The following MDGA2 variants were observed in gnomAD, a reference collection of about 807,000 sequenced individuals.
MDGA2 encodes MAM domain-containing glycosylphosphatidylinositol anchor protein 2.
In MDGA2, 40 loss-of-function variants were observed where a neutral mutation model predicts 117.8. That is an observed-to-expected ratio of 0.34 (90% CI 0.26 to 0.44). MDGA2 has a LOEUF of 0.44. Ranked by LOEUF, MDGA2 falls within the 20% of genes least tolerant of loss-of-function variation. MDGA2 has a pLI of 1.00. For synonymous variants in MDGA2, 452 were observed against 439.0 expected (o/e 1.03, Z -0.37); for missense variants, 1,123 against 1,250.6 (o/e 0.90, Z 1.54).
At chr14:46,974,425 T>A (rs1030544399) in intron 8 of MDGA2, among the ~76,000 whole-genome samples, 4 of 151,890 alleles carry the variant, frequency 2.6e-5, no homozygotes, top group African/African-American at 7.3e-5. Context: ...CCACAACAAA[T>A]CTTGAAAAAC....
chr14:46,896,538 GT>G (rs1883084820), intron 10 of MDGA2, among the ~76,000 whole-genome samples: 1 of 151,886 alleles, frequency 6.6e-6, no homozygotes, highest in African/African-American at 2.4e-5. Context: ...TTATATTACT[GT>G]TATATATTTG....
intron 1 of MDGA2, among the ~76,000 whole-genome samples, chr14:47,537,291 C>T (rs1373949885): frequency 8.1e-6 from 1 of 123,672 alleles, no homozygotes; most frequent in Non-Finnish European, 1.6e-5. Flanking sequence ...GAACATCACA[C>T]ACCAGGGCCT....
intron 1 of MDGA2, among the ~76,000 whole-genome samples, chr14:47,520,798 G>C (rs949419084): frequency 2.6e-5 from 4 of 152,132 alleles, no homozygotes; most frequent in African/African-American, 7.2e-5. Context: ...CAATCTATTA[G>C]ATTCATTACA....
rs560659044 is a variant in MDGA2 at position 47,387,998 on chromosome 14, C to T, written c.281-86448G>A. Among the ~76,000 whole-genome samples, 100 of 152,274 alleles carry T rather than the reference C, an allele frequency of 6.6e-4. 1 individual carries two copies. The highest frequency in any genetic ancestry group is 1.4e-3 in the Non-Finnish European group (93 of 68,022). On this transcript the variant is annotated intron_variant, in intron 1 of 16. Transcript: ENST00000399232. ...TTCACTACATTTATTTTCATTGGTT[C>T]CTCTGATCCTAATGTATGGTTACTC...
intron 8 of MDGA2, among the ~76,000 whole-genome samples, chr14:47,027,927 T>C (rs1888533258): frequency 6.6e-6 from 1 of 152,054 alleles, no homozygotes; most frequent in African/African-American, 2.4e-5. Context: ...ATATGTTGAC[T>C]GGAAATAATA....
At chr14:47,495,788 G>T (rs1894270183) in intron 1 of MDGA2, among the ~76,000 whole-genome samples, 1 of 152,184 alleles carries the variant, frequency 6.6e-6, no homozygotes, top group South Asian at 2.1e-4. Context: ...AATTATCATT[G>T]CTTCACACAG....
At chr14:47,668,439 T>C (rs1898015432) in intron 1 of MDGA2, among the ~76,000 whole-genome samples, 2 of 152,188 alleles carry the variant, frequency 1.3e-5, no homozygotes, top group African/African-American at 4.8e-5. Flanking sequence ...CTGCCTGACA[T>C]AATGGTAAAA....
At chr14:46,852,546 AGT>A (rs1881102224) in intron 15 of MDGA2, among the ~76,000 whole-genome samples, 1 of 151,914 alleles carries the variant, frequency 6.6e-6, no homozygotes. Flanking sequence ...GTCCTCCTTG[AGT>A]ATTCAGCAGA....
chr14:47,034,919 G>GT, intron 8 of MDGA2, 92 bp downstream of exon 8: 1 of 1,125,788 alleles, frequency 8.9e-7, no homozygotes, highest in South Asian at 1.5e-5. Flanking sequence ...ATTCAATCTA[G>GT]TTACAAAAAT....
chr14:47,525,946 A>C (rs1022885182), intron 1 of MDGA2, among the ~76,000 whole-genome samples: 1 of 151,982 alleles, frequency 6.6e-6, no homozygotes, highest in African/African-American at 2.4e-5. Context: ...ACCAGTTTTT[A>C]AATATTCTTC....
intron 1 of MDGA2, among the ~76,000 whole-genome samples, chr14:47,544,118 A>AT (rs1355378330): frequency 1.3e-5 from 2 of 152,200 alleles, no homozygotes; most frequent in African/African-American, 2.4e-5. Flanking sequence ...CATTTGAAAT[A>AT]TAAAGACTAT....
At chr14:47,135,767 T>G (rs1882421608) in intron 4 of MDGA2, among the ~76,000 whole-genome samples, 1 of 152,154 alleles carries the variant, frequency 6.6e-6, no homozygotes. Context: ...CATAAACTCT[T>G]CATTCTCATC....
In MDGA2 at chr14:46,920,114, T is replaced by C. The variant is rs536328046; in HGVS notation, c.2136A>G (p.Val712=). ...AATAAACACGGTGTCTGTTCTGCCA[T>C]ACTGGATTGTAGGTATCATAATAGA... ...PEFYYDTYNP[V]WQNRHRVYSY... Residue 712 remains valine (V), a synonymous_variant, in exon 10 of 17, where the codon GTA becomes GTG. Coordinates refer to ENST00000399232, the MANE Select transcript of MDGA2 (RefSeq NM_001113498.3). 6.2e-7 allele frequency: 1 copy of C among 1,611,362 alleles called. No homozygotes were observed. The highest frequency in any genetic ancestry group is 1.1e-5 in the South Asian group (1 of 90,192).
intron 3 of MDGA2, among the ~76,000 whole-genome samples, chr14:47,170,483 G>C (rs1255048588): frequency 6.6e-6 from 1 of 152,072 alleles, no homozygotes; most frequent in African/African-American, 2.4e-5. Flanking sequence ...TTTTATAGGT[G>C]AGAAACTACT....
chr14:47,621,353 T>TA (rs546773564), intron 1 of MDGA2, among the ~76,000 whole-genome samples: 65 of 151,968 alleles, frequency 4.3e-4, no homozygotes, highest in Admixed American at 1.1e-3. Flanking sequence ...TACTGTTTCT[T>TA]AAAAAAAAAT....
intron 1 of MDGA2, among the ~76,000 whole-genome samples, chr14:47,589,866 G>A (rs1896402816): frequency 6.6e-6 from 1 of 151,830 alleles, no homozygotes; most frequent in African/African-American, 2.4e-5. Context: ...AGTTTTCAGT[G>A]TACAAATCTT....
chr14:47,619,433 T>C (rs534861814), intron 1 of MDGA2, among the ~76,000 whole-genome samples: 6 of 152,264 alleles, frequency 3.9e-5, no homozygotes, highest in Middle Eastern at 6.8e-3. Context: ...TTAAAACTAA[T>C]ACTAATAATT....
intron 16 of MDGA2, among the ~76,000 whole-genome samples, chr14:46,843,886 T>C (rs1281927716): frequency 6.6e-6 from 1 of 152,176 alleles, no homozygotes; most frequent in East Asian, 1.9e-4. Context: ...TTAGTTTGAT[T>C]ACTTTCTCTA....
intron 8 of MDGA2, among the ~76,000 whole-genome samples, chr14:46,981,122 G>A (rs573702464): frequency 6.6e-6 from 1 of 151,454 alleles, no homozygotes; most frequent in South Asian, 2.1e-4. Flanking sequence ...TAAGAGTCTG[G>A]GCCTGGCGCG....
Sources: gnomAD v4.1 joint callset for allele counts (sites outside exome capture counted in the v4.1 genomes callset) on GRCh38, gnomAD v4.1.1 for gene constraint, MANE v1.5 for transcripts, NCBI Gene and HGNC (gene_info 2026-07-23, HGNC 2026-07-21) for gene names.